The following INSC variants were observed in gnomAD, a reference collection of about 807,000 sequenced individuals.
The protein encoded by INSC is INSC spindle orientation adaptor protein.
Under a neutral mutation model 58.6 loss-of-function variants are expected in INSC, and 67 were observed. The ratio of observed to expected loss-of-function variants is 1.14; its 90% CI spans 0.94 to 1.40. INSC has a LOEUF of 1.40. Ranked by LOEUF, INSC falls within the 40% of genes most tolerant of loss-of-function variation. INSC has a pLI of 0.00. For missense variants in INSC, 714 were observed against 692.0 expected (o/e 1.03, Z -0.36); for synonymous variants, 262 against 276.1 (o/e 0.95, Z 0.51).
At chr11:15,163,814 G>A (rs1487895726) in intron 2 of INSC, among the ~76,000 whole-genome samples, 1 of 152,150 alleles carries the variant, frequency 6.6e-6, no homozygotes, top group African/African-American at 2.4e-5. Flanking sequence ...GGATGGTCTC[G>A]ATCTCCTGAC....
intron 7 of INSC, among the ~76,000 whole-genome samples, chr11:15,219,057 A>C (rs1485524204): frequency 1.3e-5 from 2 of 152,206 alleles, no homozygotes; most frequent in Non-Finnish European, 2.9e-5. Context: ...ACAAAGGAGC[A>C]GAGAATCACA....
intron 2 of INSC, among the ~76,000 whole-genome samples, chr11:15,163,115 C>T (rs185668512): frequency 1.8e-4 from 28 of 152,176 alleles, no homozygotes; most frequent in African/African-American, 6.3e-4. Context: ...TTCTACTCAC[C>T]TTACACTTGA....
At chr11:15,134,414 A>G (rs1848194386) in intron 1 of INSC, among the ~76,000 whole-genome samples, 1 of 152,236 alleles carries the variant, frequency 6.6e-6, no homozygotes, top group Non-Finnish European at 1.5e-5. Flanking sequence ...ATGGATGCAT[A>G]TGAGCAAAAA....
intron 2 of INSC, among the ~76,000 whole-genome samples, chr11:15,164,555 A>G (rs1334142007): frequency 6.6e-6 from 1 of 151,908 alleles, no homozygotes; most frequent in Non-Finnish European, 1.5e-5. Flanking sequence ...AACACCCTAT[A>G]CTCAGCTATA....
chr11:15,262,998 G>A, the INSC span, among the ~76,000 whole-genome samples: 1 of 151,928 alleles, frequency 6.6e-6, no homozygotes, highest in African/African-American at 2.4e-5. Context: ...TTTGCAAAGG[G>A]CAAAACTATT....
chr11:15,230,513 C>T (rs559563552), intron 9 of INSC, among the ~76,000 whole-genome samples: 1 of 152,292 alleles, frequency 6.6e-6, no homozygotes, highest in South Asian at 2.1e-4. Context: ...CCAATCACCT[C>T]CCACCAGGCT....
intron 7 of INSC, among the ~76,000 whole-genome samples, chr11:15,201,936 C>G (rs559616231): frequency 1.3e-5 from 2 of 152,196 alleles, no homozygotes; most frequent in Non-Finnish European, 2.9e-5. Context: ...AGCTTCTTCA[C>G]TTTGGTCTGG....
At chr11:15,245,859 G>T (rs544254151) in intron 12 of INSC, 53 bp from the exon 13 acceptor site, 130 of 1,584,826 alleles carry the variant, frequency 8.2e-5, no homozygotes, top group African/African-American at 3.5e-4. Flanking sequence ...GGAAATACAT[G>T]TACCTGACAT....
At chr11:15,219,823 A>T (rs1307665504) in intron 7 of INSC, among the ~76,000 whole-genome samples, 1 of 152,200 alleles carries the variant, frequency 6.6e-6, no homozygotes, top group East Asian at 1.9e-4. Context: ...CAGATGGAGT[A>T]AGAGGTTTCT....
chr11:15,217,626 C>T (rs1011049139), intron 7 of INSC, among the ~76,000 whole-genome samples: 2 of 152,138 alleles, frequency 1.3e-5, no homozygotes, highest in Non-Finnish European at 2.9e-5. Flanking sequence ...GATCAACTTG[C>T]TGGCAGCAGA....
chr11:15,166,850 G>A (rs1354446064), intron 2 of INSC, among the ~76,000 whole-genome samples: 2 of 152,142 alleles, frequency 1.3e-5, no homozygotes, highest in African/African-American at 4.8e-5. Flanking sequence ...ACAGTCTCTG[G>A]AGCCAGGCTG....
Position 15,238,177 on chromosome 11 carries a change from C to T in INSC, c.1238-742C>T, listed in dbSNP as rs189163094. Among the ~76,000 whole-genome samples the T allele has an allele frequency of 1.1e-3, 160 of 152,054 alleles. 2 individuals are homozygous for T. Among genetic ancestry groups the T allele is most frequent in the Non-Finnish European group, 1.6e-3 (106 of 67,986 alleles). ...GTGGGTAAAGGCAAGGAGGTATGAG[C>T]GGACATGGGTATGGTTTCTAGAACA... On this transcript the variant is annotated intron_variant, in intron 10 of 12. Transcript: ENST00000379556.
rs140837665 is a variant in INSC, at chr11:15,159,468, C to G, written c.56+10238C>G. 9.1e-4 allele frequency among the ~76,000 whole-genome samples: 139 copies of G among 152,260 alleles called. 1 individual carries two copies. Among genetic ancestry groups the G allele is most frequent in the Non-Finnish European group, 1.6e-3 (106 of 68,026 alleles). On this transcript the variant is annotated intron_variant, in intron 2 of 12. Transcript: ENST00000379556. ...ACAGAATAGAAAAAACAAAGCTAAA[C>G]CATTTGTAGTCTATACATCAAATCC...
intron 1 of INSC, among the ~76,000 whole-genome samples, chr11:15,144,632 T>A (rs1166538314): frequency 6.6e-6 from 1 of 152,216 alleles, no homozygotes; most frequent in Non-Finnish European, 1.5e-5. Flanking sequence ...ACAGCCCTAA[T>A]GGGATTGCAG....
chr11:15,130,967 T>G (rs918781373), intron 1 of INSC, among the ~76,000 whole-genome samples: 6 of 152,082 alleles, frequency 3.9e-5, no homozygotes, highest in African/African-American at 1.4e-4. Context: ...AAAACCAACT[T>G]TAGTCATTTT....
At chr11:15,144,199 T>C (rs1848438432) in intron 1 of INSC, among the ~76,000 whole-genome samples, 1 of 152,214 alleles carries the variant, frequency 6.6e-6, no homozygotes, top group South Asian at 2.1e-4. Flanking sequence ...ATTTCTCAAA[T>C]GTAGGAAATG....
chr11:15,223,144 TG>T (rs1205410879), intron 8 of INSC, among the ~76,000 whole-genome samples: 32 of 152,378 alleles, frequency 2.1e-4, no homozygotes, highest in African/African-American at 7.5e-4. Flanking sequence ...TTCAGTTGAT[TG>T]TTACCATGTG....
intron 7 of INSC, among the ~76,000 whole-genome samples, chr11:15,221,104 G>A (rs1429413135): frequency 1.3e-5 from 2 of 152,310 alleles, no homozygotes; most frequent in East Asian, 3.9e-4. Context: ...AAGTCACACA[G>A]CAAGGAAGAG....
At chr11:15,135,888 T>C (rs1441685012) in intron 1 of INSC, among the ~76,000 whole-genome samples, 1 of 152,204 alleles carries the variant, frequency 6.6e-6, no homozygotes, top group Non-Finnish European at 1.5e-5. Flanking sequence ...TGGTATCTAA[T>C]GAAGCCATTC....
Sources: gnomAD v4.1 joint callset for allele counts (sites outside exome capture counted in the v4.1 genomes callset) on GRCh38, gnomAD v4.1.1 for gene constraint, MANE v1.5 for transcripts, NCBI Gene and HGNC (gene_info 2026-07-23, HGNC 2026-07-21) for gene names.